The following RNF150 variants were observed in gnomAD, a reference collection of about 807,000 sequenced individuals.
RNF150 encodes the protein ring finger protein 150.
Under a neutral mutation model 39.3 loss-of-function variants are expected in RNF150, and 24 were observed. The observed-to-expected ratio is 0.61, with a 90% CI of 0.44 to 0.86. RNF150 has a LOEUF of 0.86. Ranked by LOEUF, RNF150 falls within the 40% of genes least tolerant of loss-of-function variation. The pLI is 0.00. For missense variants in RNF150, 502 were observed against 587.8 expected, an observed-to-expected ratio of 0.85 and a Z score of 1.51; for synonymous variants, 255 against 227.3, an observed-to-expected ratio of 1.12 and a Z score of -1.10.
chr4:141,180,259 A>G (rs1325522919), intron 1 of RNF150, among the ~76,000 whole-genome samples: 1 of 152,166 alleles, frequency 6.6e-6, no homozygotes, highest in Non-Finnish European at 1.5e-5. Flanking sequence ...TCATACACCC[A>G]TGTTCAAGTT....
At chr4:141,057,575 C>T (rs982666099) in intron 1 of RNF150, among the ~76,000 whole-genome samples, 25 of 152,022 alleles carry the variant, frequency 1.6e-4, no homozygotes, top group African/African-American at 5.8e-4. Flanking sequence ...CCCCAAAGTC[C>T]ATTATATATC....
Position 141,101,658 on chromosome 4 carries a change from C to T in RNF150, c.484+30667G>A, listed in dbSNP as rs146530866. 3.1e-3 allele frequency among the ~76,000 whole-genome samples: 465 copies of T among 152,200 alleles called. 1 individual carries two copies. The highest frequency in any genetic ancestry group is 9.9e-3 in the African/African-American group (413 of 41,522). On this transcript the variant is annotated intron_variant, in intron 1 of 6. Transcript: ENST00000515673. ...ATGTGCTACACTTTTACAGGATTGG[C>T]AGCTCAGTAGGTTTGTTTACACCAG...
rs1726958260 is a variant in RNF150 at position 141,133,302 on chromosome 4, T to G, written c.-494A>C. ...GAGCGCTGGGGCGCGCGAATCCAGC[T>G]GCAGCCGCTGCTGCCCTGCGCCGGT... On this transcript the variant is annotated 5_prime_UTR_variant, in exon 1 of 7. Coordinates refer to ENST00000515673, the MANE Select transcript of RNF150 (RefSeq NM_020724.2). 1 of 165,400 alleles carries G rather than the reference T, an allele frequency of 6.0e-6. No individual in the cohort carries two copies. The highest frequency in any genetic ancestry group is 1.3e-5 in the Non-Finnish European group (1 of 77,988). 10.2% of individuals were successfully genotyped at this position (165,400 alleles called of 1,614,324 possible).
chr4:140,990,604 C>T (rs572346887), intron 1 of RNF150, among the ~76,000 whole-genome samples: 1 of 152,186 alleles, frequency 6.6e-6, no homozygotes, highest in Non-Finnish European at 1.5e-5. Flanking sequence ...TTCTGTTCCT[C>T]CATTAGTTTG....
At chr4:141,203,254 G>A (rs957625782) in intron 1 of RNF150, among the ~76,000 whole-genome samples, 1 of 111,612 alleles carries the variant, frequency 9.0e-6, no homozygotes, top group African/African-American at 3.5e-5. Flanking sequence ...TCTTGGAGAC[G>A]ATATATATAT....
chr4:141,005,786 G>GAAT (rs1553936208), intron 1 of RNF150, among the ~76,000 whole-genome samples: 92 of 150,886 alleles, frequency 6.1e-4, no homozygotes, highest in Middle Eastern at 3.5e-3. Context: ...TATTTTAAAA[G>GAAT]GGCCGGGCGC....
intron 6 of RNF150, among the ~76,000 whole-genome samples, chr4:140,899,106 G>T (rs1730077309): frequency 1.3e-5 from 2 of 152,052 alleles, no homozygotes. Context: ...TTTTAAATGA[G>T]ATCTAATAGG....
At chr4:141,010,205 T>C (rs1221060276) in intron 1 of RNF150, among the ~76,000 whole-genome samples, 1 of 152,166 alleles carries the variant, frequency 6.6e-6, no homozygotes, top group African/African-American at 2.4e-5. Flanking sequence ...TTATGAAAAT[T>C]TGAAGTAGAT....
At position 141,142,916 on chromosome 4, in the gene RNF150, CT is replaced by C; in HGVS notation, c.-6+69877del. 2.6e-5 allele frequency among the ~76,000 whole-genome samples: 4 copies of C among 151,564 alleles called. No individual in the cohort carries two copies. In the South Asian group the frequency reaches 8.4e-4, roughly 32 times the overall value. The stretch of plus-strand genomic sequence containing the variant: ...ATAGAGTCTGTCTCTGTCACCCAGG[CT>C]GGAGTGCAGTGGTGCAGTCTCGGCT... On this transcript the variant is annotated intron_variant, in intron 1 of 7. Coordinates refer to the RNF150 transcript ENST00000420921.
chr4:141,120,006 A>G (rs1053268993), intron 1 of RNF150, among the ~76,000 whole-genome samples: 1 of 152,254 alleles, frequency 6.6e-6, no homozygotes, highest in African/African-American at 2.4e-5. Context: ...AGTGAGCAGT[A>G]CATCTGAGAA....
intron 4 of RNF150, among the ~76,000 whole-genome samples, chr4:140,928,349 G>T (rs1303279823): frequency 6.6e-6 from 1 of 151,578 alleles, no homozygotes; most frequent in Non-Finnish European, 1.5e-5. Flanking sequence ...AACCTAAGGG[G>T]TACATGGGTC....
chr4:140,919,676 G>GAAA (rs1560967044), intron 5 of RNF150, among the ~76,000 whole-genome samples: 1 of 150,520 alleles, frequency 6.6e-6, no homozygotes, highest in African/African-American at 2.4e-5. Context: ...CACAGAACTG[G>GAAA]AAAAAACTAC....
intron 1 of RNF150, among the ~76,000 whole-genome samples, chr4:141,080,808 C>G (rs181733029): frequency 7.2e-5 from 11 of 152,230 alleles, no homozygotes; most frequent in East Asian, 3.9e-4. Context: ...GCACATGTCC[C>G]CCAGGGAAGG....
chr4:141,180,485 G>A (rs1004350594), intron 1 of RNF150, among the ~76,000 whole-genome samples: 1 of 152,116 alleles, frequency 6.6e-6, no homozygotes, highest in Non-Finnish European at 1.5e-5. Flanking sequence ...AATGGATAAG[G>A]GAATTGGAGA....
chr4:140,967,614 G>T lies in RNF150; in HGVS notation c.735+9C>A. ...ATTTTTAAAAGTTTTTTAACTTTTT[G>T]CTACTCACCTGGTTCCTATCCCTGG... On this transcript the variant is annotated intron_variant, in intron 2 of 6. Transcript: ENST00000515673. 1 of 1,571,460 alleles carries T rather than the reference G, an allele frequency of 6.4e-7. No individual in the cohort carries two copies. The highest frequency in any genetic ancestry group is 1.9e-5 in the Admixed American group (1 of 53,006).
intron 2 of RNF150, among the ~76,000 whole-genome samples, chr4:140,961,071 G>T (rs1415280643): frequency 6.6e-6 from 1 of 152,050 alleles, no homozygotes; most frequent in East Asian, 1.9e-4. Context: ...TCCAAAGTTG[G>T]TATCTTTAGC....
At chr4:140,970,519 G>T (rs571847473) in intron 1 of RNF150, among the ~76,000 whole-genome samples, 1 of 135,276 alleles carries the variant, frequency 7.4e-6, no homozygotes, top group Non-Finnish European at 1.5e-5. Context: ...AGAAACTAGA[G>T]TCTAACAGAG....
At position 141,019,144 on chromosome 4, in the gene RNF150, T is replaced by C. The variant is rs531129230; in HGVS notation, c.485-51271A>G. 2.7e-5 allele frequency among the ~76,000 whole-genome samples: 4 copies of C among 149,578 alleles called. No homozygotes were observed. The Admixed American group carries it at 2.7e-4, about 10-fold the overall frequency. On this transcript the variant is annotated intron_variant, in intron 1 of 6. Coordinates refer to ENST00000515673, the MANE Select transcript of RNF150 (RefSeq NM_020724.2). ...GCAATGAATAAAATGAGCTCAGAAT[T>C]TCCTGAAACATAATTACTTGCTCTG...
At chr4:141,125,810 T>G (rs1404910812) in intron 1 of RNF150, among the ~76,000 whole-genome samples, 1 of 152,168 alleles carries the variant, frequency 6.6e-6, no homozygotes, top group Non-Finnish European at 1.5e-5. Flanking sequence ...CAGGAGATTT[T>G]TAAGACACAG....
Sources: allele counts gnomAD v4.1 joint callset (sites outside exome capture counted in the v4.1 genomes callset), GRCh38; gene constraint gnomAD v4.1.1; transcripts MANE v1.5; gene names NCBI Gene and HGNC (gene_info 2026-07-23, HGNC 2026-07-21).